Variants in TRPM5 observed in about 807,000 individuals in gnomAD.
TRPM5 encodes transient receptor potential cation channel subfamily M member 5, also known as MLSN1 and TRP-related.
TRPM5 carries 121 observed loss-of-function variants against 124.9 expected under a neutral mutation model. The ratio of observed to expected loss-of-function variants is 0.97; its 90% CI spans 0.84 to 1.13. TRPM5 has a LOEUF of 1.13. Among genes scored for constraint, TRPM5 ranks in the 50% most tolerant of loss-of-function variants. The probability of loss-of-function intolerance (pLI) is 0.00; values close to 1 mark genes in which losing one functional copy is unlikely to be tolerated. For synonymous variants in TRPM5, 781 were observed against 700.5 expected (o/e 1.11, Z -1.81); for missense variants, 1,643 against 1,589.1 (o/e 1.03, Z -0.58).
the TRPM5 span, among the ~76,000 whole-genome samples, chr11:2,443,586 G>A: frequency 6.6e-6 from 1 of 152,228 alleles, no homozygotes; most frequent in Non-Finnish European, 1.5e-5. The surrounding 1 kb of genome is among the most constrained non-coding windows in gnomAD (Gnocchi z 5.0). Flanking sequence ...AGGGTGGGGA[G>A]TCAGGCGTCA....
At position 2,420,871 on chromosome 11, in the gene TRPM5, T is replaced by A. The variant is rs575504522; in HGVS notation, c.465+161A>T. Reference sequence around the variant, plus strand: ...CACAGTCTACGCTGGCCGTTCCCTATGCGGTACTGCCACCTGCCGGCCGTG... The same window carrying A: ...CACAGTCTACGCTGGCCGTTCCCTAAGCGGTACTGCCACCTGCCGGCCGTG... On this transcript the variant is annotated intron_variant, in intron 3 of 23. Coordinates refer to ENST00000155858, the Ensembl canonical transcript of TRPM5. Among the ~76,000 whole-genome samples the A allele has an allele frequency of 2.4e-4, 37 of 152,316 alleles. No homozygotes were observed. The East Asian group carries it at 7.0e-3, about 29-fold the overall frequency.
At chr11:2,433,339 A>G in the TRPM5 span, among the ~76,000 whole-genome samples, 2,008 of 152,374 alleles carry the variant, frequency 0.013, 47 homozygotes, top group African/African-American at 0.047. Flanking sequence ...GCGATCAGAC[A>G]GCAGATCTGC....
chr11:2,414,692 G>A (rs775412534), intron 11 of TRPM5, 23 bp downstream of exon 16: 35 of 1,522,730 alleles, frequency 2.3e-5, no homozygotes, highest in Admixed American at 8.1e-5. Context: ...GCGCGGGCCC[G>A]GCCCCAGCCG....
chr11:2,414,355 C>A, intron 11 of TRPM5, 149 bp from the exon 17 acceptor site: 3 of 1,175,186 alleles, frequency 2.6e-6, no homozygotes, highest in Non-Finnish European at 3.5e-6. Flanking sequence ...CTGCCCCCTC[C>A]GGCCTGCTCC....
At chr11:2,409,731 A>G (rs1236193097) in intron 18 of TRPM5, among the ~76,000 whole-genome samples, 1 of 152,002 alleles carries the variant, frequency 6.6e-6, no homozygotes, top group Non-Finnish European at 1.5e-5. Flanking sequence ...GAGCCCAAGG[A>G]ATTGCAGCTC....
intron 12 of TRPM5, 54 bp downstream of exon 17, chr11:2,414,007 T>TCCCCCCCCCCCCC: frequency 9.3e-7 from 1 of 1,072,596 alleles, no homozygotes; most frequent in Non-Finnish European, 1.4e-6. Flanking sequence ...TGGGCCCAGC[T>TCCCCCCCCCCCCC]CGCCCGCCCA....
At chr11:2,414,300 T>G in intron 11 of TRPM5, 94 bp from the exon 17 acceptor site, 1 of 1,483,028 alleles carries the variant, frequency 6.7e-7, no homozygotes, top group Non-Finnish European at 9.0e-7. Context: ...ACCTGGGCTC[T>G]GCAGCCGCAC....
chr11:2,428,678 AGAT>A, the TRPM5 span, among the ~76,000 whole-genome samples: 15 of 148,926 alleles, frequency 1.0e-4, no homozygotes, highest in East Asian at 8.0e-4. This position sits in a 1 kb window ranked among gnomAD's most constrained non-coding sequence, Gnocchi z 4.0. Flanking sequence ...ATGATGACGA[AGAT>A]GATGATGATA....
chr11:2,405,314 G>A (rs1850293200), intron 23 of TRPM5, among the ~76,000 whole-genome samples: 1 of 152,240 alleles, frequency 6.6e-6, no homozygotes, highest in Non-Finnish European at 1.5e-5. Flanking sequence ...AGAGCCTCAA[G>A]AGTCTGAGTG....
intron 18 of TRPM5, 66 bp from the exon 24 acceptor site, chr11:2,407,978 C>G (rs112325191): frequency 6.3e-7 from 1 of 1,576,322 alleles, no homozygotes; most frequent in Admixed American, 1.7e-5. Context: ...TAGGCAAATG[C>G]CCCGAGATAG....
chr11:2,410,816 G>C (rs1018931532), intron 18 of TRPM5: 1 of 386,044 alleles, frequency 2.6e-6, no homozygotes, highest in Non-Finnish European at 5.1e-6. Context: ...GTGCCTTTAG[G>C]AGCGGCCAAA....
At chr11:2,425,644 C>T (rs534318729), upstream of TRPM5, among the ~76,000 whole-genome samples, 17 of 152,064 alleles carry the variant, frequency 1.1e-4, no homozygotes, top group African/African-American at 3.1e-4. Context: ...TCACCCTGGG[C>T]GGGGGTCCTC....
chr11:2,413,534 G>A (rs199652090), exon 13 of TRPM5: 47 of 1,612,472 alleles, frequency 2.9e-5, no homozygotes, highest in Middle Eastern at 1.7e-4. Context: ...CCTAGCAGCC[G>A]CAGGATGGGC....
At chr11:2,414,009 G>GGGGGGCGCCCCCCCCCCCCCCCCCCCC in intron 12 of TRPM5, 52 bp downstream of exon 17, 1 of 1,023,734 alleles carries the variant, frequency 9.8e-7, no homozygotes, top group Non-Finnish European at 1.4e-6. Flanking sequence ...GGCCCAGCTC[G>GGGGGGCGCCCCCCCCCCCCCCCCCCCC]CCCGCCCACC....
chr11:2,410,874 G>GC (rs140820492), intron 18 of TRPM5, among the ~76,000 whole-genome samples: 2,916 of 152,280 alleles, frequency 0.019, 32 homozygotes, highest in Non-Finnish European at 0.031. Flanking sequence ...TCTGGTGGGT[G>GC]CCCTAGGCCA....
chr11:2,427,094 G>GA (rs1162303684), upstream of TRPM5, among the ~76,000 whole-genome samples: 2 of 152,144 alleles, frequency 1.3e-5, no homozygotes, highest in Non-Finnish European at 2.9e-5. Context: ...GCCCCTTCCA[G>GA]AATGCCCCAC....
chr11:2,414,524 A>G (rs970246393), intron 11 of TRPM5, among the ~76,000 whole-genome samples, 191 bp downstream of exon 16: 2 of 152,282 alleles, frequency 1.3e-5, no homozygotes, highest in Admixed American at 6.5e-5. Flanking sequence ...CAGCGGTCCC[A>G]CACTCAGGGT....
chr11:2,439,806 C>T, the TRPM5 span, among the ~76,000 whole-genome samples: 1 of 152,192 alleles, frequency 6.6e-6, no homozygotes, highest in Non-Finnish European at 1.5e-5. Context: ...TTCCATTTGA[C>T]CCAGCAATTC....
chr11:2,410,221 C>T (rs1013671637), intron 18 of TRPM5, among the ~76,000 whole-genome samples: 5 of 152,338 alleles, frequency 3.3e-5, no homozygotes, highest in South Asian at 2.1e-4. Context: ...GGAAATGAGC[C>T]GCGCTGGGAG....
Sources: allele counts gnomAD v4.1 joint callset (sites outside exome capture counted in the v4.1 genomes callset), GRCh38; gene constraint gnomAD v4.1.1; non-coding constraint Gnocchi (gnomAD v3.1); transcripts MANE v1.5; gene names NCBI Gene and HGNC (gene_info 2026-07-23, HGNC 2026-07-21).